PTPRD: variants seen among roughly 807,000 people sequenced by gnomAD.
The protein encoded by PTPRD is protein tyrosine phosphatase receptor type D.
A neutral mutation model predicts 214.5 loss-of-function variants in PTPRD; 34 were observed. The ratio of observed to expected loss-of-function variants is 0.16; its 90% CI spans 0.12 to 0.21. The LOEUF (loss-of-function observed/expected upper bound fraction) is 0.21, where lower values mean the gene tolerates loss of function less well. Ranked by LOEUF, PTPRD falls within the 10% of genes least tolerant of loss-of-function variation. The probability of loss-of-function intolerance (pLI) is 1.00; values close to 1 mark genes in which losing one functional copy is unlikely to be tolerated. For synonymous variants in PTPRD, 1,128 were observed against 845.7 expected, an observed-to-expected ratio of 1.33 and a Z score of -5.79; for missense variants, 2,545 against 2,398.7, an observed-to-expected ratio of 1.06 and a Z score of -1.27.
At chr9:10,234,187 G>C (rs995257548) in intron 3 of PTPRD, among the ~76,000 whole-genome samples, 59 of 151,640 alleles carry the variant, frequency 3.9e-4, no homozygotes, top group Non-Finnish European at 2.8e-4. Context: ...CCGGGAGGCA[G>C]AGAGCTCCAT....
intron 5 of PTPRD, among the ~76,000 whole-genome samples, chr9:9,918,722 C>T (rs988334165): frequency 6.6e-6 from 1 of 151,984 alleles, no homozygotes; most frequent in African/African-American, 2.4e-5. Flanking sequence ...CCAATAGAAC[C>T]AATAGAGAAT....
chr9:8,913,661 C>G (rs78535739), intron 11 of PTPRD, among the ~76,000 whole-genome samples: 9 of 152,126 alleles, frequency 5.9e-5, no homozygotes, highest in Non-Finnish European at 1.2e-4. Context: ...TTAAGGCAAA[C>G]TTTCCCTACC....
intron 9 of PTPRD, among the ~76,000 whole-genome samples, chr9:9,368,833 G>T (rs141448891): frequency 0.011 from 1,721 of 151,968 alleles, 31 homozygotes; most frequent in African/African-American, 0.04. Context: ...GTACACATGT[G>T]CCATGTTGGT....
intron 11 of PTPRD, among the ~76,000 whole-genome samples, chr9:8,926,625 T>C (rs1240538297): frequency 1.3e-5 from 2 of 152,138 alleles, no homozygotes; most frequent in Non-Finnish European, 2.9e-5. Flanking sequence ...CCATGGAAAA[T>C]TCCCTGATTC....
intron 11 of PTPRD, among the ~76,000 whole-genome samples, chr9:8,815,649 G>A (rs908529555): frequency 2.6e-5 from 4 of 152,092 alleles, no homozygotes; most frequent in Non-Finnish European, 4.4e-5. Flanking sequence ...ATCAGTTTGA[G>A]ATTATGGGTT....
At chr9:10,383,309 T>G (rs1190078664) in intron 2 of PTPRD, among the ~76,000 whole-genome samples, 1 of 151,866 alleles carries the variant, frequency 6.6e-6, no homozygotes, top group Non-Finnish European at 1.5e-5. Flanking sequence ...CCAAGCAATT[T>G]TAGGTTAAAA....
At chr9:9,845,996 C>T (rs12375923) in intron 5 of PTPRD, among the ~76,000 whole-genome samples, 4,537 of 152,070 alleles carry the variant, frequency 0.03, 85 homozygotes, top group Middle Eastern at 0.065. Context: ...GGAACTAAGG[C>T]GGGCAGGATA....
chr9:10,375,730 T>C (rs1360820790), intron 2 of PTPRD, among the ~76,000 whole-genome samples: 3 of 152,006 alleles, frequency 2.0e-5, no homozygotes, highest in Non-Finnish European at 1.5e-5. Flanking sequence ...GAAGTTATGA[T>C]ATGTGGTGAT....
intron 11 of PTPRD, among the ~76,000 whole-genome samples, chr9:8,929,845 G>GTAGATA (rs1567063436): frequency 7.8e-6 from 1 of 127,988 alleles, no homozygotes; most frequent in African/African-American, 3.5e-5. Flanking sequence ...ATATATATGT[G>GTAGATA]TGTATATATA....
chr9:10,348,089 A>G (rs1301420674), intron 2 of PTPRD, among the ~76,000 whole-genome samples: 1 of 152,158 alleles, frequency 6.6e-6, no homozygotes, highest in African/African-American at 2.4e-5. Context: ...ATTCTTGTGA[A>G]CTATAGTCAC....
intron 3 of PTPRD, among the ~76,000 whole-genome samples, chr9:10,218,086 G>A (rs780690809): frequency 2.6e-5 from 4 of 151,792 alleles, no homozygotes; most frequent in Non-Finnish European, 5.9e-5. Flanking sequence ...TTCTATTCTG[G>A]CCAGAAACTA....
chr9:9,360,825 A>T (rs2055837686), intron 9 of PTPRD, among the ~76,000 whole-genome samples: 1 of 151,096 alleles, frequency 6.6e-6, no homozygotes, highest in Admixed American at 6.6e-5. Context: ...TATGTGAGGA[A>T]GTGGATTTGA....
At chr9:8,575,980 G>C (rs1235596437) in intron 14 of PTPRD, among the ~76,000 whole-genome samples, 2 of 152,142 alleles carry the variant, frequency 1.3e-5, no homozygotes, top group Non-Finnish European at 2.9e-5. Flanking sequence ...ACTTAGGTCA[G>C]TTTACATTTA....
intron 10 of PTPRD, among the ~76,000 whole-genome samples, chr9:9,105,774 G>C (rs992547455): frequency 6.6e-6 from 1 of 152,180 alleles, no homozygotes; most frequent in Admixed American, 6.5e-5. Flanking sequence ...CAATGAAAGT[G>C]AAATTGATGT....
At chr9:10,466,723 C>T (rs537470804) in intron 2 of PTPRD, among the ~76,000 whole-genome samples, 27 of 151,136 alleles carry the variant, frequency 1.8e-4, no homozygotes, top group African/African-American at 6.3e-4. Flanking sequence ...ATTCAGACTT[C>T]GAGCATCTGA....
chr9:8,786,745 A>AG (rs1444069581), intron 11 of PTPRD, among the ~76,000 whole-genome samples: 2 of 123,306 alleles, frequency 1.6e-5, no homozygotes, highest in Middle Eastern at 9.6e-3. Flanking sequence ...CTGAATCCTC[A>AG]GGGAAAAAAA....
intron 4 of PTPRD, among the ~76,000 whole-genome samples, chr9:10,026,417 G>A (rs1328604123): frequency 1.3e-5 from 2 of 152,132 alleles, no homozygotes; most frequent in Admixed American, 6.6e-5. Flanking sequence ...AAATGATTGT[G>A]AACATATTTT....
intron 9 of PTPRD, among the ~76,000 whole-genome samples, chr9:9,279,244 A>T (rs1946777081): frequency 6.7e-6 from 1 of 149,886 alleles, no homozygotes; most frequent in Non-Finnish European, 1.5e-5. Flanking sequence ...ATATCTATAT[A>T]AGAATATGTG....
rs77493645 is a variant in PTPRD at position 9,021,669 on chromosome 9, T to C, written c.-142-2934A>G. ...CTGAAGATCTTCTAGTGGGACAAGA[T>C]GTAGATGTGGAAGAGAGTGTTACTG... On this transcript the variant is annotated intron_variant, in intron 10 of 45. Transcript: ENST00000381196. Among the ~76,000 whole-genome samples, 294 of 152,198 alleles carry C rather than the reference T, an allele frequency of 1.9e-3. 1 individual carries two copies. Among genetic ancestry groups the C allele is most frequent in the African/African-American group, 6.5e-3 (271 of 41,536 alleles).
Sources: gnomAD v4.1 joint callset for allele counts (sites outside exome capture counted in the v4.1 genomes callset) on GRCh38, gnomAD v4.1.1 for gene constraint, MANE v1.5 for transcripts, NCBI Gene and HGNC (gene_info 2026-07-23, HGNC 2026-07-21) for gene names.